Variants in RAB38 observed in about 807,000 individuals in gnomAD.
The protein encoded by RAB38 is RAB38, member RAS oncogene family, also known as ras-related protein Rab-38.
A neutral mutation model predicts 18.4 loss-of-function variants in RAB38; 15 were observed. The ratio of observed to expected loss-of-function variants is 0.82; its 90% CI spans 0.55 to 1.26. The LOEUF is 1.26. RAB38 is among the 50% of genes most tolerant of loss of function. The probability of loss-of-function intolerance (pLI) is 0.00; values close to 1 mark genes in which losing one functional copy is unlikely to be tolerated. For synonymous variants in RAB38, 101 were observed against 104.4 expected, an observed-to-expected ratio of 0.97 and a Z score of 0.20; for missense variants, 294 against 267.4, an observed-to-expected ratio of 1.10 and a Z score of -0.69.
At chr11:87,908,456 A>G in the RAB38 span, among the ~76,000 whole-genome samples, 1 of 152,012 alleles carries the variant, frequency 6.6e-6, no homozygotes, top group Non-Finnish European at 1.5e-5. Flanking sequence ...TTAAGGCTTC[A>G]AGCAGAATTC....
the RAB38 span, among the ~76,000 whole-genome samples, chr11:87,933,553 A>G: frequency 2.6e-5 from 4 of 152,076 alleles, no homozygotes; most frequent in African/African-American, 9.7e-5. Context: ...GACAGGAATG[A>G]GATTCTGTAA....
chr11:88,108,605 G>A (rs1277890944), downstream of RAB38, among the ~76,000 whole-genome samples: 1 of 152,134 alleles, frequency 6.6e-6, no homozygotes, highest in African/African-American at 2.4e-5. Context: ...CAATTTGCCA[G>A]TTTGTGACTT....
the RAB38 span, among the ~76,000 whole-genome samples, chr11:88,080,865 G>C: frequency 6.7e-6 from 1 of 149,682 alleles, no homozygotes; most frequent in East Asian, 2.0e-4. Flanking sequence ...GAGGGAGGGA[G>C]GGAGGGAGGG....
intron 2 of RAB38, among the ~76,000 whole-genome samples, chr11:88,122,782 A>G (rs1462515801): frequency 2.0e-5 from 3 of 152,234 alleles, no homozygotes; most frequent in Admixed American, 6.5e-5. Flanking sequence ...GAGTTTCACA[A>G]TTTATTTTTA....
At chr11:88,143,339 T>C (rs1226217585) in intron 2 of RAB38, among the ~76,000 whole-genome samples, 7 of 152,202 alleles carry the variant, frequency 4.6e-5, no homozygotes, top group African/African-American at 1.7e-4. Context: ...CTTTGAAGCA[T>C]AAAGGGTCAG....
chr11:87,863,659 A>G, the RAB38 span, among the ~76,000 whole-genome samples: 2 of 151,798 alleles, frequency 1.3e-5, no homozygotes, highest in East Asian at 1.9e-4. Context: ...CTCAAAGTTT[A>G]TCATTCATTG....
the RAB38 span, among the ~76,000 whole-genome samples, chr11:88,068,115 C>A: frequency 2.0e-5 from 3 of 151,648 alleles, no homozygotes; most frequent in South Asian, 6.2e-4. Context: ...ACTGAAATCT[C>A]AGTATTTAGA....
At chr11:87,808,897 CAATT>C in the RAB38 span, among the ~76,000 whole-genome samples, 1 of 151,846 alleles carries the variant, frequency 6.6e-6, no homozygotes, top group African/African-American at 2.4e-5. Context: ...ATAAAGGTAT[CAATT>C]AATATTCGAT....
chr11:88,016,279 T>C, the RAB38 span, among the ~76,000 whole-genome samples: 1 of 152,160 alleles, frequency 6.6e-6, no homozygotes, highest in Non-Finnish European at 1.5e-5. Flanking sequence ...TTTAACATCC[T>C]GAACCTCAGT....
At chr11:88,094,596 CT>C in the RAB38 span, among the ~76,000 whole-genome samples, 1 of 151,890 alleles carries the variant, frequency 6.6e-6, no homozygotes, top group Non-Finnish European at 1.5e-5. Context: ...TATGTGAACT[CT>C]TTTACATGTG....
chr11:87,877,431 CTA>C, the RAB38 span, among the ~76,000 whole-genome samples: 2,435 of 151,560 alleles, frequency 0.016, 37 homozygotes, highest in East Asian at 0.064. Context: ...TGCCAAGTAA[CTA>C]TGAATTTCCT....
chr11:87,926,831 C>G, the RAB38 span, among the ~76,000 whole-genome samples: 1 of 152,004 alleles, frequency 6.6e-6, no homozygotes, highest in Non-Finnish European at 1.5e-5. Flanking sequence ...CTGTCTTCCA[C>G]CAGGCTTCCT....
At chr11:87,976,492 AT>A in the RAB38 span, among the ~76,000 whole-genome samples, 2 of 107,090 alleles carry the variant, frequency 1.9e-5, no homozygotes, top group South Asian at 5.8e-4. Context: ...ATTTTTATAT[AT>A]TTATATATTT....
chr11:88,160,142 AC>A (rs1943172516), intron 1 of RAB38, among the ~76,000 whole-genome samples: 2 of 151,984 alleles, frequency 1.3e-5, no homozygotes, highest in African/African-American at 2.4e-5. Flanking sequence ...GCAGAAAACA[AC>A]CCCACTAAAA....
chr11:88,034,634 T>C, the RAB38 span, among the ~76,000 whole-genome samples: 1 of 152,248 alleles, frequency 6.6e-6, no homozygotes, highest in African/African-American at 2.4e-5. Flanking sequence ...TTATTTGCCA[T>C]CTGTATATCC....
the RAB38 span, among the ~76,000 whole-genome samples, chr11:88,076,217 T>C: frequency 6.6e-6 from 1 of 151,718 alleles, no homozygotes; most frequent in African/African-American, 2.4e-5. Context: ...AGAAAACCTA[T>C]AAGAAATGAA....
At chr11:88,005,388 T>C in the RAB38 span, among the ~76,000 whole-genome samples, 2 of 132,026 alleles carry the variant, frequency 1.5e-5, no homozygotes, top group African/African-American at 5.8e-5. Flanking sequence ...ATGAAGGAAA[T>C]AAAAACCATT....
At chr11:88,054,252 T>G in the RAB38 span, among the ~76,000 whole-genome samples, 1 of 152,186 alleles carries the variant, frequency 6.6e-6, no homozygotes, top group Non-Finnish European at 1.5e-5. Context: ...TTCATCTTGT[T>G]TTTTTGAGGC....
the RAB38 span, among the ~76,000 whole-genome samples, chr11:88,021,461 G>A: frequency 0.021 from 3,188 of 152,030 alleles, 97 homozygotes; most frequent in African/African-American, 0.072. Flanking sequence ...TCCAGTAAAG[G>A]AAAGCCCAGG....
Sources: gnomAD v4.1 joint callset for allele counts (sites outside exome capture counted in the v4.1 genomes callset) on GRCh38, gnomAD v4.1.1 for gene constraint, MANE v1.5 for transcripts, NCBI Gene and HGNC (gene_info 2026-07-23, HGNC 2026-07-21) for gene names.